The following TCERG1L variants were observed in gnomAD, a reference collection of about 807,000 sequenced individuals.
TCERG1L encodes transcription elongation regulator 1 like, also known as transcription elongation regulator 1-like protein.
Under a neutral mutation model 56.3 loss-of-function variants are expected in TCERG1L, and 37 were observed. That is an observed-to-expected ratio of 0.66 (90% CI 0.51 to 0.87). The LOEUF (loss-of-function observed/expected upper bound fraction) is 0.87. TCERG1L is among the 40% of genes least tolerant of loss of function. The pLI is 0.00. For synonymous variants in TCERG1L, 324 were observed against 326.3 expected, an observed-to-expected ratio of 0.99 and a Z score of 0.08; for missense variants, 799 against 774.2, an observed-to-expected ratio of 1.03 and a Z score of -0.38.
intron 10 of TCERG1L, among the ~76,000 whole-genome samples, chr10:131,102,864 G>C (rs1436679298): frequency 6.6e-6 from 1 of 152,070 alleles, no homozygotes; most frequent in African/African-American, 2.4e-5. Flanking sequence ...CCCTCTCCCA[G>C]CAACAACAGG....
intron 4 of TCERG1L, among the ~76,000 whole-genome samples, chr10:131,253,272 A>T (rs1180131581): frequency 6.6e-6 from 1 of 152,162 alleles, no homozygotes; most frequent in Non-Finnish European, 1.5e-5. Flanking sequence ...GTGCAGAAGA[A>T]CGACATCCTG....
intron 9 of TCERG1L, among the ~76,000 whole-genome samples, chr10:131,109,443 T>A (rs1845388459): frequency 6.6e-6 from 1 of 152,014 alleles, no homozygotes; most frequent in Non-Finnish European, 1.5e-5. Context: ...TGTCTGTGAC[T>A]GTGGCTGTGT....
chr10:131,137,650 C>A (rs1424617295), intron 7 of TCERG1L, among the ~76,000 whole-genome samples: 1 of 152,156 alleles, frequency 6.6e-6, no homozygotes, highest in Non-Finnish European at 1.5e-5. Flanking sequence ...AAAATGAGGT[C>A]ATGCAATTAC....
chr10:131,273,356 A>G (rs1264974442), intron 3 of TCERG1L, among the ~76,000 whole-genome samples: 1 of 152,104 alleles, frequency 6.6e-6, no homozygotes, highest in Non-Finnish European at 1.5e-5. Context: ...GTGGGTCTGG[A>G]GTCACCAGGA....
intron 3 of TCERG1L, among the ~76,000 whole-genome samples, chr10:131,276,420 C>T (rs1265022046): frequency 6.6e-6 from 1 of 152,218 alleles, no homozygotes; most frequent in Non-Finnish European, 1.5e-5. Context: ...TTCTTTAATG[C>T]ATTAAGCAAA....
At chr10:131,269,182 A>ATTTGTTTGTTTG (rs111682908) in intron 3 of TCERG1L, among the ~76,000 whole-genome samples, 5 of 151,128 alleles carry the variant, frequency 3.3e-5, no homozygotes, top group Admixed American at 6.6e-5. Context: ...TACAATTTCT[A>ATTTGTTTGTTTG]TTTGTTTGTT....
intron 10 of TCERG1L, among the ~76,000 whole-genome samples, chr10:131,101,403 G>T (rs1178263956): frequency 6.6e-6 from 1 of 152,246 alleles, no homozygotes; most frequent in Non-Finnish European, 1.5e-5. Context: ...TTTTTGCGGT[G>T]AGAATGATCT....
In TCERG1L at chr10:131,254,780, C is replaced by T. The variant is rs541297133; in HGVS notation, c.856+5479G>A. 4.6e-4 allele frequency among the ~76,000 whole-genome samples: 70 copies of T among 152,260 alleles called. 1 individual carries two copies. Among genetic ancestry groups the T allele is most frequent in the African/African-American group, 1.6e-3 (65 of 41,546 alleles). ...GAACTCCTGGGCAGACCCGGGGCAA[C>T]GTACTGAACTGGAGAGTCTTTGTGG... On this transcript the variant is annotated intron_variant, in intron 4 of 11. Coordinates refer to ENST00000368642, the MANE Select transcript of TCERG1L (RefSeq NM_174937.4).
chr10:131,269,021 G>A (rs962979578), intron 3 of TCERG1L, among the ~76,000 whole-genome samples: 5 of 152,166 alleles, frequency 3.3e-5, no homozygotes, highest in African/African-American at 1.2e-4. Context: ...CAGCTAACTT[G>A]TTGGTGCATG....
intron 3 of TCERG1L, among the ~76,000 whole-genome samples, chr10:131,278,803 G>T (rs1846422184): frequency 6.6e-6 from 1 of 152,090 alleles, no homozygotes; most frequent in Non-Finnish European, 1.5e-5. Context: ...TCCCATGCTG[G>T]GGCTTTGCAA....
rs191384596 is a variant in TCERG1L at position 131,309,334 on chromosome 10, C to T, written c.343-35G>A. On this transcript the variant is annotated intron_variant, in intron 1 of 11. Coordinates refer to ENST00000368642, the MANE Select transcript of TCERG1L (RefSeq NM_174937.4). ...AAGCAAGAAAAGACAGCTGCATTAGCCTGAATCCATCCACTCGACTTCATG... is the reference window on the plus strand; with the variant it reads ...AAGCAAGAAAAGACAGCTGCATTAGTCTGAATCCATCCACTCGACTTCATG... 120 of 1,567,986 alleles carry T rather than the reference C, an allele frequency of 7.7e-5. No homozygotes were observed. The Admixed American group carries it at 1.1e-3, about 14-fold the overall frequency.
At chr10:131,245,554 C>G (rs7094450) in intron 4 of TCERG1L, among the ~76,000 whole-genome samples, 7,454 of 152,180 alleles carry the variant, frequency 0.049, 617 homozygotes, top group African/African-American at 0.17. Flanking sequence ...GGGGCAGCGA[C>G]AGGAAATATG....
intron 9 of TCERG1L, among the ~76,000 whole-genome samples, 200 bp from the exon 10 acceptor site, chr10:131,104,554 A>C (rs1008319929): frequency 2.6e-5 from 4 of 152,192 alleles, no homozygotes; most frequent in Non-Finnish European, 5.9e-5. Flanking sequence ...AGAAAATTTA[A>C]TTTCTAGACT....
chr10:131,106,539 A>C (rs1891781), intron 9 of TCERG1L, among the ~76,000 whole-genome samples: 102,786 of 152,018 alleles, frequency 0.68, 34,882 homozygotes, highest in African/African-American at 0.73. Context: ...CTGGGGGTGC[A>C]AGAGCCAATG....
chr10:131,150,937 C>T (rs559542468), intron 6 of TCERG1L, among the ~76,000 whole-genome samples: 1 of 152,286 alleles, frequency 6.6e-6, no homozygotes, highest in South Asian at 2.1e-4. Context: ...AGAATGAGTG[C>T]CAGCAGGGGA....
At chr10:131,173,175 G>T (rs1201131555) in intron 4 of TCERG1L, among the ~76,000 whole-genome samples, 1 of 152,120 alleles carries the variant, frequency 6.6e-6, no homozygotes, top group Non-Finnish European at 1.5e-5. Flanking sequence ...ACAGGTGTGA[G>T]CCACCCCACC....
At chr10:131,289,144 A>AT (rs11422729) in intron 3 of TCERG1L, among the ~76,000 whole-genome samples, 87,950 of 148,414 alleles carry the variant, frequency 0.59, 25,942 homozygotes, top group East Asian at 0.77. Context: ...AAAAGTCTTG[A>AT]TTTTTTTTTT....
rs181864867 is a variant in TCERG1L at position 131,152,751 on chromosome 10, G to A, written c.1035-6091C>T. The stretch of plus-strand genomic sequence containing the variant: ...TACCTCAGACTGGGTAATTTATAAT[G>A]AAGAGAGGTTTAATTGACTTACAGT... On this transcript the variant is annotated intron_variant, in intron 6 of 11. Transcript: ENST00000368642. Among the ~76,000 whole-genome samples, 366 of 152,302 alleles carry A rather than the reference G, an allele frequency of 2.4e-3. 2 individuals carry two copies. The South Asian group carries it at 0.029, about 12-fold the overall frequency.
chr10:131,244,674 G>A (rs946652105), intron 4 of TCERG1L, among the ~76,000 whole-genome samples: 1 of 152,150 alleles, frequency 6.6e-6, no homozygotes, highest in African/African-American at 2.4e-5. Context: ...CCTGGGGAGG[G>A]TCTGGTTAGG....
Sources: allele counts gnomAD v4.1 joint callset (sites outside exome capture counted in the v4.1 genomes callset), GRCh38; gene constraint gnomAD v4.1.1; transcripts MANE v1.5; gene names NCBI Gene and HGNC (gene_info 2026-07-23, HGNC 2026-07-21).